Variants in SLC8A1 observed in about 807,000 individuals in gnomAD.
SLC8A1 encodes solute carrier family 8 member A1, also known as sodium/calcium exchanger 1.
Under a neutral mutation model 68.3 loss-of-function variants are expected in SLC8A1, and 18 were observed. The observed-to-expected ratio is 0.26, with a 90% CI of 0.18 to 0.39. SLC8A1 has a LOEUF of 0.39. Among genes scored for constraint, SLC8A1 ranks in the 10% least tolerant of loss-of-function variants. The pLI, the probability that SLC8A1 is intolerant of heterozygous loss-of-function variation, is 1.00. For missense variants in SLC8A1, 985 were observed against 1,156.7 expected (o/e 0.85, Z 2.15); for synonymous variants, 475 against 415.5 (o/e 1.14, Z -1.74).
At chr2:40,397,515 G>C (rs1687364122) in intron 2 of SLC8A1, among the ~76,000 whole-genome samples, 1 of 152,184 alleles carries the variant, frequency 6.6e-6, no homozygotes, top group Non-Finnish European at 1.5e-5. Context: ...AACTGATTGT[G>C]GGTGTGAAAC....
chr2:40,460,306 A>T (rs1012049290), intron 1 of SLC8A1, among the ~76,000 whole-genome samples: 1 of 152,204 alleles, frequency 6.6e-6, no homozygotes, highest in Non-Finnish European at 1.5e-5. Context: ...CCACACAGCA[A>T]AGTGCATACT....
chr2:40,400,937 T>C (rs1026302068), intron 2 of SLC8A1, among the ~76,000 whole-genome samples: 7 of 151,910 alleles, frequency 4.6e-5, no homozygotes, highest in Middle Eastern at 3.2e-3. Context: ...TTTGAAAAAC[T>C]TGGGAGAGAG....
At chr2:40,231,012 C>T (rs1368389671) in intron 2 of SLC8A1, among the ~76,000 whole-genome samples, 1 of 152,128 alleles carries the variant, frequency 6.6e-6, no homozygotes. Context: ...GGAAATGAAG[C>T]CCAATTTTTA....
At chr2:40,163,145 G>A (rs1009407778) in intron 5 of SLC8A1, among the ~76,000 whole-genome samples, 5 of 152,164 alleles carry the variant, frequency 3.3e-5, no homozygotes, top group Non-Finnish European at 5.9e-5. Flanking sequence ...CTGGTTTCAT[G>A]TAGAGACTTG....
At position 40,165,297 on chromosome 2, in the gene SLC8A1, C is replaced by T. The variant is rs188573104; in HGVS notation, c.1931-313G>A. 5.9e-5 allele frequency among the ~76,000 whole-genome samples: 9 copies of T among 152,260 alleles called. No homozygotes were observed. In the East Asian group the frequency reaches 9.7e-4, roughly 16 times the overall value. Reference sequence around the variant, plus strand: ...TACATTGTCTATGGTAAGGGAGTCACGCAGCTATTCCCTGTGACGCTGGCT... The same window carrying T: ...TACATTGTCTATGGTAAGGGAGTCATGCAGCTATTCCCTGTGACGCTGGCT... On this transcript the variant is annotated intron_variant, in intron 4 of 7. Coordinates refer to ENST00000406785, the Ensembl canonical transcript of SLC8A1.
intron 2 of SLC8A1, among the ~76,000 whole-genome samples, chr2:40,257,918 T>TA (rs1426528179): frequency 3.9e-5 from 6 of 152,282 alleles, no homozygotes; most frequent in Admixed American, 3.9e-4. Context: ...AGATAATGCC[T>TA]AAACTGTAAT....
intron 2 of SLC8A1, among the ~76,000 whole-genome samples, chr2:40,283,131 C>T (rs1339598648): frequency 6.6e-6 from 1 of 152,148 alleles, no homozygotes; most frequent in African/African-American, 2.4e-5. Flanking sequence ...AAGAGAACAA[C>T]TAGTCCACTC....
chr2:40,260,853 G>C (rs1318238388), intron 2 of SLC8A1, among the ~76,000 whole-genome samples: 1 of 151,592 alleles, frequency 6.6e-6, no homozygotes, highest in Non-Finnish European at 1.5e-5. Context: ...CTTCCTCATA[G>C]TCCGACCTAA....
At chr2:40,278,087 T>C (rs2067004559) in intron 2 of SLC8A1, among the ~76,000 whole-genome samples, 1 of 152,018 alleles carries the variant, frequency 6.6e-6, no homozygotes, top group African/African-American at 2.4e-5. Context: ...ATAACCTTGT[T>C]TATCACATCA....
At chr2:40,118,730 G>A (rs573402228) in intron 7 of SLC8A1, among the ~76,000 whole-genome samples, 23 of 146,078 alleles carry the variant, frequency 1.6e-4, no homozygotes, top group African/African-American at 5.8e-4. Context: ...AAACACCTGA[G>A]ATGTTATTCT....
At chr2:40,336,526 A>T (rs979733932) in intron 2 of SLC8A1, among the ~76,000 whole-genome samples, 1 of 152,162 alleles carries the variant, frequency 6.6e-6, no homozygotes, top group African/African-American at 2.4e-5. Context: ...TTTAACCATA[A>T]GGCTCTTTTC....
intron 2 of SLC8A1, among the ~76,000 whole-genome samples, chr2:40,243,239 T>C (rs1339704510): frequency 6.6e-6 from 1 of 152,204 alleles, no homozygotes; most frequent in African/African-American, 2.4e-5. Context: ...CCCAGCACTC[T>C]GGGAGGCCAA....
intron 2 of SLC8A1, among the ~76,000 whole-genome samples, chr2:40,385,963 T>A (rs10181007): frequency 6.6e-5 from 10 of 150,794 alleles, no homozygotes; most frequent in South Asian, 2.1e-4. Flanking sequence ...GTAAACCTTC[T>A]GAATTATAAT....
chr2:40,394,633 C>T (rs900034894), intron 2 of SLC8A1, among the ~76,000 whole-genome samples: 1 of 152,088 alleles, frequency 6.6e-6, no homozygotes, highest in African/African-American at 2.4e-5. Context: ...CCTATTTCTG[C>T]TATCTTCCTC....
intron 7 of SLC8A1, among the ~76,000 whole-genome samples, chr2:40,122,205 CGCACACACACACACACACACGTGT>C (rs1363407347): frequency 2.7e-5 from 3 of 110,030 alleles, no homozygotes; most frequent in African/African-American, 8.2e-5. Flanking sequence ...CATGCGCGCG[CGCACACACACACACACACACGTGT>C]GCGCGCGCAC....
chr2:40,149,100 G>GTAAAA (rs2042967605), intron 6 of SLC8A1, among the ~76,000 whole-genome samples: 2 of 152,186 alleles, frequency 1.3e-5, no homozygotes, highest in East Asian at 3.9e-4. Context: ...TATTAAGTCT[G>GTAAAA]TAGGTTTGAA....
At chr2:40,286,917 C>T (rs1313575607) in intron 2 of SLC8A1, among the ~76,000 whole-genome samples, 1 of 152,198 alleles carries the variant, frequency 6.6e-6, no homozygotes, top group Non-Finnish European at 1.5e-5. Flanking sequence ...AAAGATGATG[C>T]AACCACGACA....
At chr2:40,500,795 CT>C (rs1191619172) in intron 1 of SLC8A1, among the ~76,000 whole-genome samples, 95 of 37,256 alleles carry the variant, frequency 2.5e-3, no homozygotes, top group East Asian at 0.016. Flanking sequence ...TATCATCTGA[CT>C]TTTTTTTTTT....
At chr2:40,474,745 T>G (rs1402366003) in intron 1 of SLC8A1, among the ~76,000 whole-genome samples, 1 of 152,198 alleles carries the variant, frequency 6.6e-6, no homozygotes, top group Non-Finnish European at 1.5e-5. Flanking sequence ...TACAGAAATA[T>G]TGAGTAAATC....
Sources: gnomAD v4.1 joint callset for allele counts (sites outside exome capture counted in the v4.1 genomes callset) on GRCh38, gnomAD v4.1.1 for gene constraint, MANE v1.5 for transcripts, NCBI Gene and HGNC (gene_info 2026-07-23, HGNC 2026-07-21) for gene names.